COG7: variants seen among roughly 807,000 people sequenced by gnomAD.
The protein encoded by COG7 is conserved oligomeric Golgi complex subunit 7.
COG7 carries 49 observed loss-of-function variants against 91.5 expected under a neutral mutation model. The ratio of observed to expected loss-of-function variants is 0.54; its 90% CI spans 0.43 to 0.68. The LOEUF (loss-of-function observed/expected upper bound fraction) is 0.68, where lower values mean the gene tolerates loss of function less well. COG7 is among the 30% of genes least tolerant of loss of function. COG7 has a pLI of 0.00. For missense variants in COG7, 895 were observed against 961.3 expected (o/e 0.93, Z 0.91); for synonymous variants, 365 against 388.7 (o/e 0.94, Z 0.72).
At chr16:23,426,725 G>A (rs143134120) in intron 6 of COG7, among the ~76,000 whole-genome samples, 1 of 149,504 alleles carries the variant, frequency 6.7e-6, no homozygotes, top group East Asian at 2.0e-4. Context: ...ATACCCATTG[G>A]TAAGAGATGG....
Position 23,388,848 on chromosome 16 carries a change from C to A in COG7, c.*72G>T. The stretch of plus-strand genomic sequence containing the variant: ...TTCTGCCCAATCTTGGGCAGAGTTT[C>A]TGAGCAAATCTGTGCTGGTGAGTCG... On this transcript the variant is annotated 3_prime_UTR_variant, in exon 17 of 17. Coordinates refer to ENST00000307149, the MANE Select transcript of COG7 (RefSeq NM_153603.4). 1 of 1,608,178 alleles carries A rather than the reference C, an allele frequency of 6.2e-7. No homozygotes were observed.
At chr16:23,411,336 C>T (rs1000273122) in intron 10 of COG7, among the ~76,000 whole-genome samples, 30 of 152,134 alleles carry the variant, frequency 2.0e-4, no homozygotes, top group African/African-American at 6.0e-4. Flanking sequence ...TCTAAAAGTG[C>T]GCATCATCAC....
chr16:23,401,822 G>A (rs1397318184), intron 13 of COG7, among the ~76,000 whole-genome samples: 2 of 152,012 alleles, frequency 1.3e-5, no homozygotes, highest in Admixed American at 1.3e-4. Flanking sequence ...TTGGGAGGCC[G>A]AGGTGGGTGA....
intron 13 of COG7, 21 bp from the exon 14 acceptor site, chr16:23,398,150 C>T: frequency 6.2e-7 from 1 of 1,602,530 alleles, no homozygotes. Flanking sequence ...AACGAGAGGA[C>T]ACAATCAGTA....
In COG7 at chr16:23,389,036, G is replaced by T. The variant is rs528317420; in HGVS notation, c.2197C>A (p.Leu733Ile). 3 of 1,614,134 alleles carry T rather than the reference G, an allele frequency of 1.9e-6. No individual in the cohort carries two copies. The South Asian group carries it at 3.3e-5, about 18-fold the overall frequency. The part of the protein sequence containing the change: ...DALGLQPSRT[L>I]QHIVTLLKTR... ...TTCAGTAGCGTCACGATGTGCTGGA[G>T]GGTGCGGGACGGCTGCAGGCCCAGG... The change falls in exon 17 of 17, where the codon CTC becomes ATC. Residue 733 changes from leucine (L) to isoleucine (I), a missense_variant. Physicochemically the swap from Leu to Ile is conservative, Grantham distance 5. Coordinates refer to ENST00000307149, the MANE Select transcript of COG7 (RefSeq NM_153603.4).
intron 2 of COG7, among the ~76,000 whole-genome samples, 193 bp downstream of exon 2, chr16:23,445,620 T>C (rs1964168627): frequency 6.6e-6 from 1 of 152,036 alleles, no homozygotes. Flanking sequence ...GCCACTGTAC[T>C]GCAGCCTGCA....
chr16:23,442,025 C>T (rs1020719408), intron 4 of COG7: 1 of 166,856 alleles, frequency 6.0e-6, no homozygotes, highest in African/African-American at 2.4e-5. Context: ...GCTTTCTACA[C>T]ATAAAAGCAA....
chr16:23,417,211 T>C, intron 8 of COG7, 90 bp from the exon 9 acceptor site: 3 of 1,321,290 alleles, frequency 2.3e-6, no homozygotes, highest in Middle Eastern at 3.7e-4. Flanking sequence ...TCATCTGTAG[T>C]AAAATCACTT....
chr16:23,452,878 G>A lies in COG7; in HGVS notation c.117C>T (p.Thr39=), dbSNP rs768806926. ...ASGKADGHAA[T]LVMKLQLFIQ... is the part of the protein sequence containing the mutation. ...TGAACAGCTGCAGCTTCATCACCAG[G>A]GTGGCTGCGTGGCCATCCGCCTTCC... is the stretch of plus-strand genomic sequence containing the variant. Residue 39 remains threonine, a synonymous_variant, in exon 1 of 17, where the codon ACC becomes ACT. Coordinates refer to ENST00000307149, the MANE Select transcript of COG7 (RefSeq NM_153603.4). 6 of 1,613,842 alleles carry A rather than the reference G, an allele frequency of 3.7e-6. No individual in the cohort carries two copies. Among genetic ancestry groups the A allele is most frequent in the South Asian group, 1.1e-5 (1 of 91,084 alleles).
At chr16:23,432,447 A>G (rs1036234282) in intron 6 of COG7, among the ~76,000 whole-genome samples, 1 of 152,098 alleles carries the variant, frequency 6.6e-6, no homozygotes, top group Admixed American at 6.6e-5. Flanking sequence ...ATCTATTTCA[A>G]TAGCTCTCTA....
At chr16:23,407,444 A>G (rs1963480179) in intron 11 of COG7, among the ~76,000 whole-genome samples, 1 of 152,194 alleles carries the variant, frequency 6.6e-6, no homozygotes, top group Admixed American at 6.5e-5. Flanking sequence ...CCTAAGGGTT[A>G]GCAGAATGAT....
chr16:23,392,540 G>A lies in COG7; in HGVS notation c.2003-17C>T. 6.2e-7 allele frequency: 1 copy of A among 1,614,128 alleles called. No individual in the cohort carries two copies. On this transcript the variant is annotated splice_polypyrimidine_tract_variant and intron_variant, in intron 15 of 16. Coordinates refer to ENST00000307149, the MANE Select transcript of COG7 (RefSeq NM_153603.4). ...ATTCATCCCCTGAAAAGAAAAGGAG[G>A]TCACCAAGGAAAACACAGGCCTGCA...
At chr16:23,444,345 C>T (rs916518658) in intron 3 of COG7, among the ~76,000 whole-genome samples, 1 of 151,956 alleles carries the variant, frequency 6.6e-6, no homozygotes, top group Non-Finnish European at 1.5e-5. Context: ...TTCATCCTTA[C>T]ATCCCAGGTG....
At chr16:23,428,749 T>C (rs539569827) in intron 6 of COG7, among the ~76,000 whole-genome samples, 5 of 150,292 alleles carry the variant, frequency 3.3e-5, no homozygotes, top group Admixed American at 6.7e-5. Flanking sequence ...TGGAGTGCAA[T>C]GGTGCGATCT....
intron 6 of COG7, 136 bp downstream of exon 6, chr16:23,433,409 C>G: frequency 8.7e-7 from 1 of 1,153,184 alleles, no homozygotes; most frequent in East Asian, 2.4e-5. Context: ...TATTTTTTAA[C>G]CCCTTGAATG....
Position 23,392,397 on chromosome 16 carries a change from T to C in COG7, c.2129A>G (p.Gln710Arg). 1 of 1,614,194 alleles carries C rather than the reference T, an allele frequency of 6.2e-7. No homozygotes were observed. The highest frequency in any genetic ancestry group is 8.5e-7 in the Non-Finnish European group (1 of 1,180,040). ...IPELSPHSAKQLATDIDYLIN... is the reference protein window; with the variant it reads ...IPELSPHSAKRLATDIDYLIN... ...GGACCCACCGATGTCAGTGGCCAGCTGCTTGGCAGAGTGTGGGCTCAGCTC... is the reference window on the plus strand; with the variant it reads ...GGACCCACCGATGTCAGTGGCCAGCCGCTTGGCAGAGTGTGGGCTCAGCTC... The change falls in exon 16 of 17, where the codon CAG (glutamine) becomes CGG (arginine). Residue 710 changes from glutamine (Q) to arginine (R), a missense_variant. Physicochemically the swap from Gln to Arg is conservative, Grantham distance 43. Coordinates refer to ENST00000307149, the MANE Select transcript of COG7 (RefSeq NM_153603.4).
At chr16:23,418,350 C>A (rs958560049) in intron 8 of COG7, among the ~76,000 whole-genome samples, 1 of 152,002 alleles carries the variant, frequency 6.6e-6, no homozygotes. Flanking sequence ...AAAAAATACA[C>A]AAAAATGAGC....
At chr16:23,433,769 T>C in intron 5 of COG7, 102 bp from the exon 6 acceptor site, 1 of 1,332,658 alleles carries the variant, frequency 7.5e-7, no homozygotes, top group Non-Finnish European at 1.1e-6. Context: ...GATTGCTCAA[T>C]GGGCTCACTG....
At chr16:23,433,154 G>C (rs1318259322) in intron 6 of COG7, among the ~76,000 whole-genome samples, 2 of 152,144 alleles carry the variant, frequency 1.3e-5, no homozygotes, top group African/African-American at 4.8e-5. Flanking sequence ...TGTCCAAGCT[G>C]AAGTGTAGTG....
Sources: allele counts gnomAD v4.1 joint callset (sites outside exome capture counted in the v4.1 genomes callset), GRCh38; gene constraint gnomAD v4.1.1; transcripts MANE v1.5; gene names NCBI Gene and HGNC (gene_info 2026-07-23, HGNC 2026-07-21).